PREX1: variants seen among roughly 807,000 people sequenced by gnomAD.
The protein encoded by PREX1 is phosphatidylinositol-3,4,5-trisphosphate dependent Rac exchange factor 1.
In PREX1, 41 loss-of-function variants were observed where a neutral mutation model predicts 198.3. The ratio of observed to expected loss-of-function variants is 0.21; its 90% CI spans 0.16 to 0.27. PREX1 has a LOEUF of 0.27. Among genes scored for constraint, PREX1 ranks in the 10% least tolerant of loss-of-function variants. The probability of loss-of-function intolerance (pLI) is 1.00; values close to 1 mark genes in which losing one functional copy is unlikely to be tolerated. For missense variants in PREX1, 1,620 were observed against 2,200.7 expected (o/e 0.74, Z 5.28); for synonymous variants, 843 against 887.2 (o/e 0.95, Z 0.89).
chr20:48,635,842 C>A (rs2089358399), intron 32 of PREX1, among the ~76,000 whole-genome samples: 1 of 152,214 alleles, frequency 6.6e-6, no homozygotes, highest in African/African-American at 2.4e-5. Context: ...CCCAGCATCC[C>A]CATGTGAGAA....
chr20:48,627,675 A>G, intron 38 of PREX1, 60 bp from the exon 39 acceptor site: 1 of 797,916 alleles, frequency 1.3e-6, no homozygotes, highest in Non-Finnish European at 2.1e-6. Flanking sequence ...GAGGAAGCAC[A>G]CTGGGGGGTG....
intron 1 of PREX1, among the ~76,000 whole-genome samples, chr20:48,774,732 G>A (rs901252141): frequency 6.6e-6 from 1 of 152,264 alleles, no homozygotes; most frequent in African/African-American, 2.4e-5. Flanking sequence ...GGCAGGGAGT[G>A]GCTGGACCCG....
chr20:48,844,817 A>G, the PREX1 span, among the ~76,000 whole-genome samples: 20 of 152,204 alleles, frequency 1.3e-4, no homozygotes, highest in African/African-American at 4.8e-4. Flanking sequence ...TTCAGTCTTC[A>G]TTTACTTATA....
At chr20:48,729,585 A>G (rs539549379) in intron 4 of PREX1, among the ~76,000 whole-genome samples, 4 of 152,166 alleles carry the variant, frequency 2.6e-5, no homozygotes, top group African/African-American at 9.6e-5. Context: ...ATGCAACTCC[A>G]TTCTTCCAGT....
intron 37 of PREX1, among the ~76,000 whole-genome samples, chr20:48,628,242 C>G (rs890011746): frequency 3.3e-5 from 5 of 152,220 alleles, no homozygotes; most frequent in Non-Finnish European, 5.9e-5. Flanking sequence ...CCCAGTGCCT[C>G]GCTCAGAGGA....
chr20:48,838,761 C>A, the PREX1 span, among the ~76,000 whole-genome samples: 1 of 152,012 alleles, frequency 6.6e-6, no homozygotes, highest in Non-Finnish European at 1.5e-5. Flanking sequence ...GGCACAGTGC[C>A]TCATGCCTGT....
intron 1 of PREX1, among the ~76,000 whole-genome samples, chr20:48,816,522 A>G (rs951836389): frequency 6.6e-6 from 1 of 152,192 alleles, no homozygotes; most frequent in African/African-American, 2.4e-5. Context: ...CGGGGGATAA[A>G]GCAGGGAGAA....
At chr20:48,649,602 C>A (rs1319755937) in intron 24 of PREX1, 26 bp from the exon 25 acceptor site, 1 of 1,552,376 alleles carries the variant, frequency 6.4e-7, no homozygotes, top group Admixed American at 1.9e-5. Context: ...AGAGAGCTCA[C>A]TGGAAAACAG....
the PREX1 span, among the ~76,000 whole-genome samples, chr20:48,883,969 T>A: frequency 1.2e-3 from 177 of 151,752 alleles, 5 homozygotes; most frequent in South Asian, 0.02. Context: ...TGAAACCCCG[T>A]CTCTACTAAA....
At chr20:48,771,629 C>A (rs1282421991) in intron 1 of PREX1, among the ~76,000 whole-genome samples, 1 of 152,082 alleles carries the variant, frequency 6.6e-6, no homozygotes, top group Non-Finnish European at 1.5e-5. Context: ...AGGAGCAAAA[C>A]TCCATCTCAA....
chr20:48,651,627 G>A (rs958350438), intron 21 of PREX1, 44 bp from the exon 22 acceptor site: 1 of 1,573,768 alleles, frequency 6.4e-7, no homozygotes, highest in Non-Finnish European at 8.6e-7. Context: ...ATCAGAGGGA[G>A]GGAGGAAGGC....
At chr20:48,776,342 C>T (rs1361744331) in intron 1 of PREX1, among the ~76,000 whole-genome samples, 1 of 152,190 alleles carries the variant, frequency 6.6e-6, no homozygotes, top group African/African-American at 2.4e-5. Flanking sequence ...CCCATGGACC[C>T]CGCCCCCCTC....
At chr20:48,747,457 C>T (rs1408277887) in intron 2 of PREX1, among the ~76,000 whole-genome samples, 2 of 152,234 alleles carry the variant, frequency 1.3e-5, no homozygotes, top group African/African-American at 2.4e-5. Context: ...AGGTGCCCGG[C>T]TCCCGGGGGC....
intron 32 of PREX1, among the ~76,000 whole-genome samples, chr20:48,635,486 C>G (rs1397957711): frequency 6.6e-6 from 1 of 152,200 alleles, no homozygotes; most frequent in Non-Finnish European, 1.5e-5. Flanking sequence ...CAGAACTGGT[C>G]CCCACATCTC....
intron 32 of PREX1, 54 bp from the exon 33 acceptor site, chr20:48,634,829 T>C: frequency 3.3e-6 from 5 of 1,514,916 alleles, no homozygotes; most frequent in Non-Finnish European, 4.6e-6. Flanking sequence ...TGCCCCAGGG[T>C]TTCCTATCAA....
the PREX1 span, among the ~76,000 whole-genome samples, chr20:48,877,155 C>T: frequency 2.0e-5 from 3 of 151,952 alleles, no homozygotes; most frequent in East Asian, 3.9e-4. Flanking sequence ...CCTATAATCT[C>T]AGCTACTCAG....
intron 30 of PREX1, among the ~76,000 whole-genome samples, chr20:48,638,468 T>C (rs559616303): frequency 1.3e-5 from 2 of 152,290 alleles, no homozygotes; most frequent in African/African-American, 4.8e-5. Flanking sequence ...TCTCTTTCCT[T>C]AAAAAAGATG....
At chr20:48,744,960 G>A in intron 3 of PREX1, 65 bp downstream of exon 3, 2 of 1,584,356 alleles carry the variant, frequency 1.3e-6, no homozygotes, top group Non-Finnish European at 8.6e-7. Flanking sequence ...GATGGGGCAG[G>A]GACCCAGGGA....
chr20:48,679,749 C>A lies in PREX1; in HGVS notation c.1441G>T (p.Asp481Tyr), dbSNP rs776865062. 1.2e-6 allele frequency: 2 copies of A among 1,611,014 alleles called. No homozygotes were observed. Among genetic ancestry groups the A allele is most frequent in the South Asian group, 1.1e-5 (1 of 90,982 alleles). ...TGCTCATTCTTGAACTGGTGCTTGT[C>A]GGAAACTGGAGAGACAGGAGGACCT... ...LENGIIHHVS[D>Y]KHQFKNEQVM... is the part of the protein sequence containing the mutation. Residue 481 changes from aspartate to tyrosine, a missense_variant, in exon 12 of 40, where the codon GAC becomes TAC. Physicochemically the swap from Asp to Tyr is radical, Grantham distance 160. This residue lies in a region of PREX1 where 488 missense variants were observed against 802.5 expected (regional missense o/e 0.61). Coordinates refer to ENST00000371941, the MANE Select transcript of PREX1 (RefSeq NM_020820.4).
Sources: allele counts gnomAD v4.1 joint callset (sites outside exome capture counted in the v4.1 genomes callset), GRCh38; gene constraint gnomAD v4.1.1; regional missense constraint gnomAD v4.1.1; transcripts MANE v1.5; gene names NCBI Gene and HGNC (gene_info 2026-07-23, HGNC 2026-07-21).